Variants in OR2L5 observed in about 807,000 individuals in gnomAD.
OR2L5 encodes the protein olfactory receptor family 2 subfamily L member 5.
For synonymous variants in OR2L5, 169 were observed against 142.0 expected (o/e 1.19, Z -1.35); for missense variants, 413 against 381.6 (o/e 1.08, Z -0.69).
intron 1 of OR2L5, among the ~76,000 whole-genome samples, chr1:248,018,905 G>A (rs1662271569): frequency 6.6e-6 from 1 of 152,088 alleles, no homozygotes; most frequent in Non-Finnish European, 1.5e-5. Context: ...TACAATATTT[G>A]CCTCTTTGTG....
Position 248,022,074 on chromosome 1 carries a change from T to G in OR2L5, c.127T>G (p.Ser43Ala). 6.2e-7 allele frequency: 1 copy of G among 1,613,948 alleles called. No individual in the cohort carries two copies. The highest frequency in any genetic ancestry group is 8.5e-7 in the Non-Finnish European group (1 of 1,179,840). The change falls in exon 2 of 2, where the codon TCC becomes GCC. Residue 43 changes from serine (S) to alanine (A), a missense_variant. Ser to Ala is a moderately conservative substitution (Grantham distance 99, BLOSUM62 1). Transcript: ENST00000355281. Reference sequence around the variant, plus strand: ...CCTAATGGCTCTAATTGGAAACCTATCCATGATTCTTCTCATCTTCTTGGA... The same window carrying G: ...CCTAATGGCTCTAATTGGAAACCTAGCCATGATTCTTCTCATCTTCTTGGA... ...IFLMALIGNL[S>A]MILLIFLDTH...
At chr1:248,016,947 T>G (rs74153009) in intron 1 of OR2L5, among the ~76,000 whole-genome samples, 2 of 152,134 alleles carry the variant, frequency 1.3e-5, no homozygotes, top group African/African-American at 2.4e-5. Context: ...AATGGAATTA[T>G]GGAAGAAATC....
chr1:248,020,298 T>C (rs1311263895), intron 1 of OR2L5, among the ~76,000 whole-genome samples: 2 of 152,192 alleles, frequency 1.3e-5, no homozygotes, highest in Non-Finnish European at 2.9e-5. Flanking sequence ...CGCTGTTTGC[T>C]GATGCTATGA....
At chr1:248,021,016 C>A (rs1662321463) in intron 1 of OR2L5, among the ~76,000 whole-genome samples, 1 of 151,776 alleles carries the variant, frequency 6.6e-6, no homozygotes, top group Admixed American at 6.6e-5. Flanking sequence ...AAGTGTTACA[C>A]AATAAATGTA....
chr1:248,014,007 T>C (rs1014680825), intron 1 of OR2L5, among the ~76,000 whole-genome samples: 3 of 152,126 alleles, frequency 2.0e-5, no homozygotes, highest in African/African-American at 7.2e-5. Flanking sequence ...TATTAAACTA[T>C]GCTTTTTTGG....
intron 1 of OR2L5, among the ~76,000 whole-genome samples, chr1:248,015,100 C>T (rs1662159551): frequency 6.6e-6 from 1 of 152,178 alleles, no homozygotes; most frequent in African/African-American, 2.4e-5. Flanking sequence ...AGCACACATA[C>T]ACACAAGCAA....
chr1:248,014,711 T>TGA (rs1662148131), intron 1 of OR2L5, among the ~76,000 whole-genome samples: 3 of 152,096 alleles, frequency 2.0e-5, no homozygotes, highest in Non-Finnish European at 2.9e-5. Context: ...AACTTGTAGA[T>TGA]TCTCTTCAAT....
intron 1 of OR2L5, among the ~76,000 whole-genome samples, chr1:248,014,089 G>T (rs1309397486): frequency 2.6e-5 from 4 of 151,994 alleles, no homozygotes; most frequent in Non-Finnish European, 4.4e-5. Context: ...ATTTGTACTT[G>T]GTTGGTGATT....
chr1:248,014,168 C>A (rs931678531), intron 1 of OR2L5, among the ~76,000 whole-genome samples: 1 of 152,102 alleles, frequency 6.6e-6, no homozygotes, highest in African/African-American at 2.4e-5. Context: ...TTATAATAAT[C>A]TTATTGCTGT....
chr1:248,019,752 C>G (rs1287540450), intron 1 of OR2L5, among the ~76,000 whole-genome samples: 1 of 151,144 alleles, frequency 6.6e-6, no homozygotes, highest in African/African-American at 2.4e-5. Flanking sequence ...CCTTCTCCTT[C>G]TCCTTCTTCT....
Position 248,022,656 on chromosome 1 carries a change from T to C in OR2L5, c.709T>C (p.Tyr237His), listed in dbSNP as rs568891065. ...MHSAEGRKKA[Y>H]STCSTHLTVV... ...CTCTGCAGAAGGGAGGAAAAAGGCC[T>C]ATTCGACCTGCAGCACCCACCTCAC... Residue 237 changes from tyrosine to histidine, a missense_variant, in exon 2 of 2, where the codon TAT becomes CAT. Transcript: ENST00000355281. The C allele has an allele frequency of 2.8e-4, 456 of 1,614,136 alleles. 2 individuals are homozygous for C. Among genetic ancestry groups the C allele is most frequent in the Non-Finnish European group, 3.6e-4 (420 of 1,180,010 alleles).
chr1:248,017,201 G>A (rs573224411), intron 1 of OR2L5, among the ~76,000 whole-genome samples: 24 of 152,204 alleles, frequency 1.6e-4, no homozygotes, highest in African/African-American at 5.8e-4. Flanking sequence ...TTTTAAATGG[G>A]CTTAAAATAT....
chr1:248,022,613 T>A lies in OR2L5; in HGVS notation c.666T>A (p.Leu222=). The change falls in exon 2 of 2, where the codon CTT becomes CTA. Residue 222 remains leucine, a synonymous_variant. Coordinates refer to ENST00000355281, the MANE Select transcript of OR2L5 (RefSeq NM_001258284.2). ...CGTGTTCCTATGGCTGGGTTCTCCT[T>A]GCTGTCTACCGCATGCACTCTGCAG... ...GIACSYGWVL[L]AVYRMHSAEG... is the part of the protein sequence containing the mutation. The A allele has an allele frequency of 6.2e-7, 1 of 1,614,184 alleles. No homozygotes were observed. Among genetic ancestry groups the A allele is most frequent in the Non-Finnish European group, 8.5e-7 (1 of 1,180,028 alleles).
chr1:248,021,316 A>C (rs1450551201), intron 1 of OR2L5, among the ~76,000 whole-genome samples: 1 of 152,212 alleles, frequency 6.6e-6, no homozygotes, highest in Admixed American at 6.5e-5. Flanking sequence ...AAGATTAGTC[A>C]TCTAAGAGTT....
chr1:248,022,994 T>G lies in OR2L5; in HGVS notation c.*108T>G. 9.7e-7 allele frequency: 1 copy of G among 1,026,234 alleles called. No homozygotes were observed. 63.6% of individuals were successfully genotyped at this position (1,026,234 alleles called of 1,614,324 possible). On this transcript the variant is annotated 3_prime_UTR_variant, in exon 2 of 2. Coordinates refer to ENST00000355281, the MANE Select transcript of OR2L5 (RefSeq NM_001258284.2). ...GCCCAGTATGTCAAACAGAGATTAA[T>G]CCAGAATGTTTGTCTTTTAATTTAG...
rs1164043821 is a variant in OR2L5, at chr1:248,022,804, C to T, written c.857C>T (p.Pro286Leu). The T allele has an allele frequency of 6.2e-6, 10 of 1,613,720 alleles. No individual in the cohort carries two copies. Among genetic ancestry groups the T allele is most frequent in the Non-Finnish European group, 8.5e-6 (10 of 1,179,964 alleles). Residue 286 changes from proline (P) to leucine (L), a missense_variant, in exon 2 of 2, where the codon CCC (proline) becomes CTC (leucine). Physicochemically the swap from Pro to Leu is moderately conservative, Grantham distance 98. Coordinates refer to ENST00000355281, the MANE Select transcript of OR2L5 (RefSeq NM_001258284.2). ...ACCATCCTCACCCCAATGCTCAACCCCATCATCTACAGCCTGAGAAACAAG... is the reference window on the plus strand; with the variant it reads ...ACCATCCTCACCCCAATGCTCAACCTCATCATCTACAGCCTGAGAAACAAG... ...FYTILTPMLN[P>L]IIYSLRNKEV...
intron 1 of OR2L5, among the ~76,000 whole-genome samples, chr1:248,016,514 A>G (rs1182886030): frequency 6.6e-6 from 1 of 152,114 alleles, no homozygotes; most frequent in East Asian, 1.9e-4. Context: ...CATTAAAATA[A>G]TCTTATTCGT....
intron 1 of OR2L5, among the ~76,000 whole-genome samples, chr1:248,014,998 C>A (rs1662156131): frequency 6.6e-6 from 1 of 152,110 alleles, no homozygotes; most frequent in African/African-American, 2.4e-5. Context: ...TTCTGTCTAT[C>A]CATGAAAATG....
In OR2L5 at chr1:248,022,910, AAGCG is replaced by A. The variant is rs1662382993; in HGVS notation, c.*25_*28del. Reference sequence around the variant, plus strand: ...AGACATACGTTCTGTGTTAGAGTCAAAGCGCTAGGTTCATATCAACTCAGCAGTG... The same window carrying A: ...AGACATACGTTCTGTGTTAGAGTCAACTAGGTTCATATCAACTCAGCAGTG... On this transcript the variant is annotated 3_prime_UTR_variant, in exon 2 of 2. Transcript: ENST00000355281. The A allele has an allele frequency of 2.5e-6, 4 of 1,576,254 alleles. No homozygotes were observed. The highest frequency in any genetic ancestry group is 1.4e-5 in the African/African-American group (1 of 73,550).
Sources: allele counts gnomAD v4.1 joint callset (sites outside exome capture counted in the v4.1 genomes callset), GRCh38; gene constraint gnomAD v4.1.1; transcripts MANE v1.5; gene names NCBI Gene and HGNC (gene_info 2026-07-23, HGNC 2026-07-21).